EPHA6: variants seen among roughly 807,000 people sequenced by gnomAD.
EPHA6 encodes EPH receptor A6.
In EPHA6, 50 loss-of-function variants were observed where a neutral mutation model predicts 112.0. That is an observed-to-expected ratio of 0.45 (90% CI 0.36 to 0.56). EPHA6 has a LOEUF of 0.56. Ranked by LOEUF, EPHA6 falls within the 20% of genes least tolerant of loss-of-function variation. The pLI is 0.00. For missense variants in EPHA6, 1,280 were observed against 1,417.4 expected, an observed-to-expected ratio of 0.90 and a Z score of 1.56; for synonymous variants, 529 against 490.7, an observed-to-expected ratio of 1.08 and a Z score of -1.03.
Position 97,615,278 on chromosome 3 carries a change from G to T in EPHA6, c.2574+4424G>T, listed in dbSNP as rs528388516. Among the ~76,000 whole-genome samples the T allele has an allele frequency of 3.9e-5, 6 of 152,224 alleles. No homozygotes were observed. The East Asian group carries it at 7.8e-4, about 20-fold the overall frequency. On this transcript the variant is annotated intron_variant, in intron 13 of 17. Transcript: ENST00000389672. ...GCCCTTGCGAACCCACTCCACCAGG[G>T]TTTTCAGTCTGACACACAGAACTGT...
chr3:96,850,503 G>A (rs559381451), intron 1 of EPHA6, among the ~76,000 whole-genome samples: 1 of 152,174 alleles, frequency 6.6e-6, no homozygotes, highest in South Asian at 2.1e-4. Context: ...ATGACTAATT[G>A]GAAGAGGCAC....
At chr3:97,705,754 T>A (rs1003173867) in intron 14 of EPHA6, among the ~76,000 whole-genome samples, 7 of 152,212 alleles carry the variant, frequency 4.6e-5, no homozygotes, top group Non-Finnish European at 1.0e-4. Context: ...GAAATCTGGA[T>A]TGACCTTTTA....
intron 3 of EPHA6, among the ~76,000 whole-genome samples, chr3:97,017,681 GTTAT>G (rs1559671819): frequency 2.6e-5 from 4 of 152,210 alleles, no homozygotes; most frequent in East Asian, 3.9e-4. Context: ...TCCATTGTAC[GTTAT>G]TTGTTTCTTT....
chr3:97,600,563 G>T (rs1049335491), intron 12 of EPHA6, among the ~76,000 whole-genome samples: 2 of 152,002 alleles, frequency 1.3e-5, no homozygotes, highest in Non-Finnish European at 2.9e-5. Flanking sequence ...TGAAAACTCA[G>T]CCATTATTTA....
At chr3:97,219,686 C>T (rs1029023916) in intron 3 of EPHA6, among the ~76,000 whole-genome samples, 5 of 152,162 alleles carry the variant, frequency 3.3e-5, no homozygotes, top group Admixed American at 6.5e-5. Flanking sequence ...GAAGTGCTGC[C>T]GTGAATATCT....
intron 3 of EPHA6, among the ~76,000 whole-genome samples, chr3:97,185,661 C>A (rs1253249334): frequency 2.0e-5 from 3 of 151,996 alleles, no homozygotes; most frequent in Admixed American, 2.0e-4. Flanking sequence ...GTGGCGATTC[C>A]TCAGGGATCT....
At chr3:97,575,288 G>A (rs2093371923) in intron 11 of EPHA6, among the ~76,000 whole-genome samples, 1 of 152,034 alleles carries the variant, frequency 6.6e-6, no homozygotes, top group African/African-American at 2.4e-5. Flanking sequence ...TACTCATCAG[G>A]AAGAAAATGG....
chr3:97,595,902 CTTT>C (rs1198606431), intron 12 of EPHA6, among the ~76,000 whole-genome samples: 2 of 115,014 alleles, frequency 1.7e-5, no homozygotes, highest in Non-Finnish European at 1.7e-5. Context: ...GACATATTCT[CTTT>C]TTTTTTTTTT....
At chr3:97,194,200 T>C (rs1163648870) in intron 3 of EPHA6, among the ~76,000 whole-genome samples, 2 of 152,024 alleles carry the variant, frequency 1.3e-5, no homozygotes, top group African/African-American at 4.8e-5. Flanking sequence ...ATGCAGGTGC[T>C]TATTGCTATC....
Position 97,244,246 on chromosome 3 carries a change from C to T in EPHA6, c.1565C>T (p.Pro522Leu). 6.2e-7 allele frequency: 1 copy of T among 1,613,222 alleles called. No homozygotes were observed. Among genetic ancestry groups the T allele is most frequent in the South Asian group, 1.1e-5 (1 of 91,074 alleles). ...MNGVSELSFS[P>L]KPFTAITVTT... ...GGAGTTTCTGAGTTGAGTTTTTCTCCCAAGCCATTCACAGCTATTACAGTG... is the reference window on the plus strand; with the variant it reads ...GGAGTTTCTGAGTTGAGTTTTTCTCTCAAGCCATTCACAGCTATTACAGTG... The change falls in exon 5 of 18, where the codon CCC (proline) becomes CTC (leucine). Residue 522 changes from proline (P) to leucine (L), a missense_variant. By Grantham distance (98) the Pro-to-Leu change is moderately conservative. Coordinates refer to ENST00000389672, the MANE Select transcript of EPHA6 (RefSeq NM_001080448.3).
chr3:97,487,352 T>C (rs114322708), intron 10 of EPHA6, among the ~76,000 whole-genome samples: 2,647 of 152,340 alleles, frequency 0.017, 68 homozygotes, highest in African/African-American at 0.059. Flanking sequence ...AACAGCCACA[T>C]TAACATTTTC....
intron 5 of EPHA6, among the ~76,000 whole-genome samples, chr3:97,320,831 A>T (rs1488960466): frequency 3.0e-4 from 41 of 134,658 alleles, no homozygotes; most frequent in Non-Finnish European, 4.6e-4. Context: ...AATAAAAAAA[A>T]TAAAAAAAAA....
At chr3:96,985,890 C>G (rs193129139) in intron 2 of EPHA6, among the ~76,000 whole-genome samples, 223 of 152,210 alleles carry the variant, frequency 1.5e-3, no homozygotes, top group Non-Finnish European at 2.1e-3. Context: ...TAGTAACTCT[C>G]TATAGCCAGT....
intron 11 of EPHA6, among the ~76,000 whole-genome samples, chr3:97,557,931 T>A (rs1030970195): frequency 7.2e-5 from 11 of 151,976 alleles, no homozygotes; most frequent in Non-Finnish European, 1.6e-4. Context: ...ATTCTTTAGC[T>A]ATATTTGCTT....
rs551472526 is a variant in EPHA6 at position 96,826,310 on chromosome 3, TAGAC to T, written c.385+11303_385+11306del. Among the ~76,000 whole-genome samples, 18 of 152,154 alleles carry T rather than the reference TAGAC, an allele frequency of 1.2e-4. 1 individual carries two copies. The South Asian group carries it at 2.7e-3, about 23-fold the overall frequency. ...TACCTTAATTCTAAAACATTTTAGA[TAGAC>T]TGTACTACACACATAAGACACTTGT... On this transcript the variant is annotated intron_variant, in intron 1 of 17. Coordinates refer to ENST00000389672, the MANE Select transcript of EPHA6 (RefSeq NM_001080448.3).
chr3:97,739,528 A>G (rs1392115036), intron 16 of EPHA6, among the ~76,000 whole-genome samples: 1 of 152,154 alleles, frequency 6.6e-6, no homozygotes, highest in African/African-American at 2.4e-5. Flanking sequence ...ATAATTTTAT[A>G]CTAACATATT....
intron 11 of EPHA6, among the ~76,000 whole-genome samples, chr3:97,558,170 G>A (rs1031138375): frequency 1.3e-5 from 2 of 151,982 alleles, no homozygotes; most frequent in African/African-American, 4.8e-5. Flanking sequence ...GAGGAAGACA[G>A]GCCATTTGAT....
intron 3 of EPHA6, among the ~76,000 whole-genome samples, chr3:97,063,480 T>C (rs1269987928): frequency 6.6e-6 from 1 of 152,088 alleles, no homozygotes; most frequent in East Asian, 1.9e-4. Flanking sequence ...ATGTTCTCAC[T>C]TATAAGTGGG....
chr3:97,426,755 G>A (rs2089154854), intron 6 of EPHA6, among the ~76,000 whole-genome samples: 1 of 152,074 alleles, frequency 6.6e-6, no homozygotes, highest in South Asian at 2.1e-4. Context: ...AGAGTAACTA[G>A]ACAACCTACA....
Sources: gnomAD v4.1 joint callset for allele counts (sites outside exome capture counted in the v4.1 genomes callset) on GRCh38, gnomAD v4.1.1 for gene constraint, MANE v1.5 for transcripts, NCBI Gene and HGNC (gene_info 2026-07-23, HGNC 2026-07-21) for gene names.